Variants in DTX4 observed in about 807,000 individuals in gnomAD.
DTX4 encodes deltex E3 ubiquitin ligase 4.
DTX4 carries 28 observed loss-of-function variants against 57.6 expected under a neutral mutation model. That is an observed-to-expected ratio of 0.49 (90% CI 0.36 to 0.67). DTX4 has a LOEUF of 0.67. DTX4 is among the 30% of genes least tolerant of loss of function. The pLI is 0.00. For synonymous variants in DTX4, 316 were observed against 331.0 expected (o/e 0.95, Z 0.49); for missense variants, 715 against 836.8 (o/e 0.85, Z 1.80).
At chr11:59,178,822 A>G (rs1440976939) in intron 1 of DTX4, among the ~76,000 whole-genome samples, 1 of 152,208 alleles carries the variant, frequency 6.6e-6, no homozygotes, top group African/African-American at 2.4e-5. Context: ...AAATGGCAAA[A>G]GAGGCCATTT....
At chr11:59,199,595 A>G (rs916417205) in intron 7 of DTX4, 89 bp from the exon 8 acceptor site, 3 of 996,804 alleles carry the variant, frequency 3.0e-6, no homozygotes, top group African/African-American at 1.6e-5. Flanking sequence ...TATTATTGTC[A>G]TTATTATTGA....
intron 4 of DTX4, among the ~76,000 whole-genome samples, chr11:59,190,879 G>C (rs1862589027): frequency 6.6e-6 from 1 of 152,214 alleles, no homozygotes; most frequent in African/African-American, 2.4e-5. Context: ...AAAATAGGCA[G>C]AGAGATGTCA....
intron 4 of DTX4, among the ~76,000 whole-genome samples, chr11:59,190,333 C>T (rs949289257): frequency 6.6e-6 from 1 of 152,232 alleles, no homozygotes; most frequent in African/African-American, 2.4e-5. Context: ...AAGGGCAGTA[C>T]ATCCATTTGC....
rs1427707707 is a variant in DTX4, at chr11:59,180,743, G to A, written c.212-996G>A. 2.6e-5 allele frequency among the ~76,000 whole-genome samples: 4 copies of A among 152,256 alleles called. No homozygotes were observed. The East Asian group carries it at 7.7e-4, about 29-fold the overall frequency. Reference sequence around the variant, plus strand: ...CAGGTTTTGAGTGAGGGAGAAAGAGGCAACAGTTACAGGTTCAGTTCCCTT... The same window carrying A: ...CAGGTTTTGAGTGAGGGAGAAAGAGACAACAGTTACAGGTTCAGTTCCCTT... On this transcript the variant is annotated intron_variant, in intron 1 of 8. Coordinates refer to ENST00000227451, the MANE Select transcript of DTX4 (RefSeq NM_015177.2).
At chr11:59,191,287 G>A in intron 5 of DTX4, 112 bp downstream of exon 5, 1 of 1,117,666 alleles carries the variant, frequency 8.9e-7, no homozygotes, top group Non-Finnish European at 1.3e-6. Context: ...AAGTTCTCAT[G>A]GATACAGAAC....
intron 1 of DTX4, among the ~76,000 whole-genome samples, chr11:59,174,826 A>G (rs1198853623): frequency 6.6e-6 from 1 of 152,196 alleles, no homozygotes; most frequent in African/African-American, 2.4e-5. Context: ...CCTCAGGCAG[A>G]GAACTTGCCC....
At chr11:59,188,312 T>C (rs1395012956) in intron 2 of DTX4, among the ~76,000 whole-genome samples, 1 of 152,030 alleles carries the variant, frequency 6.6e-6, no homozygotes, top group Non-Finnish European at 1.5e-5. Context: ...ACCTGATAGG[T>C]AGGATTTAAG....
Position 59,204,820 on chromosome 11 carries a change from T to C in DTX4, c.1771T>C (p.Tyr591His). 1 of 1,611,858 alleles carries C rather than the reference T, an allele frequency of 6.2e-7. No individual in the cohort carries two copies. Among genetic ancestry groups the C allele is most frequent in the Non-Finnish European group, 8.5e-7 (1 of 1,178,898 alleles). Residue 591 changes from tyrosine to histidine, a missense_variant, in exon 9 of 9, where the codon TAC becomes CAC. Coordinates refer to ENST00000227451, the MANE Select transcript of DTX4 (RefSeq NM_015177.2). Reference protein sequence around the residue: ...EFGSNLTGHGYPDANYLDNVL... With the variant: ...EFGSNLTGHGHPDANYLDNVL... ...TGGCTCTAATCTCACTGGCCATGGC[T>C]ACCCAGATGCCAATTACCTGGATAA...
rs770793360 is a variant in DTX4, at chr11:59,188,788, C to G, written c.989C>G (p.Ala330Gly). The change falls in exon 3 of 9, where the codon GCC becomes GGC. Residue 330 changes from alanine (A) to glycine (G), a missense_variant. Coordinates refer to ENST00000227451, the MANE Select transcript of DTX4 (RefSeq NM_015177.2). ...AATGGGTCCAGTCCTGTCAACCCTG[C>G]CTTGGCAGGTAAGAGAAACCCCAGG... is the stretch of plus-strand genomic sequence containing the variant. ...NLNGSSPVNP[A>G]LAGITGILMS... 6 of 1,613,600 alleles carry G rather than the reference C, an allele frequency of 3.7e-6. No individual in the cohort carries two copies. The highest frequency in any genetic ancestry group is 1.7e-6 in the Non-Finnish European group (2 of 1,179,716).
intron 2 of DTX4, among the ~76,000 whole-genome samples, chr11:59,185,044 G>A (rs1406293532): frequency 1.3e-5 from 2 of 152,184 alleles, no homozygotes; most frequent in African/African-American, 2.4e-5. Context: ...GACCAGGGAG[G>A]GCGGGAGGAG....
chr11:59,185,181 A>C (rs1320802656), intron 2 of DTX4: 2 of 152,132 alleles, frequency 1.3e-5, no homozygotes, highest in Non-Finnish European at 2.9e-5. Flanking sequence ...TCACCCCTCT[A>C]GCCCCCTCCT....
At chr11:59,177,341 A>G (rs992460320) in intron 1 of DTX4, among the ~76,000 whole-genome samples, 5 of 152,098 alleles carry the variant, frequency 3.3e-5, no homozygotes, top group African/African-American at 7.2e-5. Flanking sequence ...CGATCCTCAA[A>G]CCTCACTTGG....
At position 59,208,215 on chromosome 11, in the gene DTX4, G is replaced by A. The variant is rs562596316; in HGVS notation, c.*3306G>A. ...GGCCTTCTGCTGTTTGTAGATTAGT[G>A]CACCTATCTGTGAGGGATTTGGGTT... is the stretch of plus-strand genomic sequence containing the variant. On this transcript the variant is annotated 3_prime_UTR_variant, in exon 9 of 9. Transcript: ENST00000227451. The A allele has an allele frequency of 1.3e-5, 2 of 152,668 alleles. No individual in the cohort carries two copies. The highest frequency in any genetic ancestry group is 3.9e-4 in the East Asian group (2 of 5,186). 9.5% of individuals were successfully genotyped at this position (152,668 alleles called of 1,614,324 possible).
intron 7 of DTX4, among the ~76,000 whole-genome samples, chr11:59,195,812 CT>C (rs141204844): frequency 2.2e-3 from 329 of 152,318 alleles, no homozygotes; most frequent in Middle Eastern, 0.02. Context: ...CAATCTTTGG[CT>C]ACAACAAATA....
intron 8 of DTX4, 92 bp downstream of exon 8, chr11:59,199,865 T>A: frequency 1.1e-5 from 11 of 1,034,832 alleles, no homozygotes. Flanking sequence ...CTTCTTACAA[T>A]GCACAGACCA....
Position 59,172,494 on chromosome 11 carries a change from C to A in DTX4, c.-102C>A. ...GGGCGGCGGGGCGCGGGGCAGGGGG[C>A]GCGGTCGAGGCCCGGAGGCGGCGGC... On this transcript the variant is annotated 5_prime_UTR_variant, in exon 1 of 9. Coordinates refer to ENST00000227451, the MANE Select transcript of DTX4 (RefSeq NM_015177.2). 1 of 622,966 alleles carries A rather than the reference C, an allele frequency of 1.6e-6. No individual in the cohort carries two copies. Among genetic ancestry groups the A allele is most frequent in the African/African-American group, 2.0e-5 (1 of 50,880 alleles). The allele number at this position is 622,966 out of a possible 1,614,324, so 38.6% of individuals were successfully genotyped here.
chr11:59,195,260 G>A lies in DTX4; in HGVS notation c.1427G>A (p.Gly476Asp). 6.2e-7 allele frequency: 1 copy of A among 1,613,928 alleles called. No homozygotes were observed. The highest frequency in any genetic ancestry group is 8.5e-7 in the Non-Finnish European group (1 of 1,179,860). The change falls in exon 7 of 9, where the codon GGC becomes GAC. Residue 476 changes from glycine (G) to aspartate (D), a missense_variant. Physicochemically the swap from Gly to Asp is moderately conservative, Grantham distance 94. Transcript: ENST00000227451. ...AAGACCATTTATGGGGTGAAGACAG[G>A]CACCCAACCTCCAGGGAAGATGGAG... ...TCKTIYGVKT[G>D]TQPPGKMEYH... is the part of the protein sequence containing the mutation.
intron 2 of DTX4, among the ~76,000 whole-genome samples, chr11:59,184,935 G>A (rs915978563): frequency 6.6e-6 from 1 of 152,016 alleles, no homozygotes; most frequent in Admixed American, 6.6e-5. Flanking sequence ...TATTCCCTTT[G>A]TCTGGCATTG....
At chr11:59,177,737 A>C (rs955043374) in intron 1 of DTX4, among the ~76,000 whole-genome samples, 10 of 152,212 alleles carry the variant, frequency 6.6e-5, no homozygotes, top group African/African-American at 2.4e-4. Flanking sequence ...TTCTTCTGAA[A>C]CACTGTCCTT....
Sources: allele counts gnomAD v4.1 joint callset (sites outside exome capture counted in the v4.1 genomes callset), GRCh38; gene constraint gnomAD v4.1.1; transcripts MANE v1.5; gene names NCBI Gene and HGNC (gene_info 2026-07-23, HGNC 2026-07-21).